Variants in TCF20 observed in about 807,000 individuals in gnomAD.
The protein encoded by TCF20 is transcription factor 20.
In TCF20, 3 loss-of-function variants were observed where a neutral mutation model predicts 148.6. The ratio of observed to expected loss-of-function variants is 0.02; its 90% confidence interval spans 0.01 to 0.05. The LOEUF is 0.05. Among genes scored for constraint, TCF20 ranks in the 10% least tolerant of loss-of-function variants. The pLI is 1.00. For missense variants in TCF20, 2,350 were observed against 2,429.3 expected (o/e 0.97, Z 0.69); for synonymous variants, 1,049 against 909.5 (o/e 1.15, Z -2.76).
intron 1 of TCF20, among the ~76,000 whole-genome samples, chr22:42,252,725 T>G (rs898753254): frequency 1.8e-4 from 27 of 152,194 alleles, no homozygotes; most frequent in Admixed American, 1.6e-3. Context: ...ATGTTGGGAT[T>G]ACAGGTGTGA....
chr22:42,213,448 G>A lies in TCF20; in HGVS notation c.1858C>T (p.Pro620Ser), dbSNP rs1921261906. The A allele has an allele frequency of 1.9e-6, 3 of 1,614,150 alleles. No individual in the cohort carries two copies. The highest frequency in any genetic ancestry group is 4.5e-5 in the East Asian group (2 of 44,888). The change falls in exon 2 of 6, where the codon CCT (proline) becomes TCT (serine). Residue 620 changes from proline to serine, a missense_variant. Coordinates refer to ENST00000677622, the MANE Select transcript of TCF20 (RefSeq NM_001378418.1). ...REAMTGRVEK[P>S]GGQDKGSQED... ...TGGGAGCCTTTATCTTGTCCACCAG[G>A]CTTTTCTACCCGACCTGTCATGGCT...
rs142415031 is a variant in TCF20 at position 42,339,441 on chromosome 22, A to C, written c.-37+4038T>G. Among the ~76,000 whole-genome samples the C allele has an allele frequency of 3.5e-4, 53 of 152,250 alleles. 2 individuals carry two copies. Among genetic ancestry groups the C allele is most frequent in the African/African-American group, 1.3e-3 (53 of 41,540 alleles). ...TGGTACCCCCTGGCTTGTTGAAGGA[A>C]AGATCTGGGGCCATAGAGAAGCCCA... On this transcript the variant is annotated intron_variant, in intron 1 of 1. Coordinates refer to the TCF20 transcript ENST00000515426.
At chr22:42,203,862 G>A (rs889356656) in intron 2 of TCF20, among the ~76,000 whole-genome samples, 1 of 152,186 alleles carries the variant, frequency 6.6e-6, no homozygotes, top group African/African-American at 2.4e-5. Context: ...GTGAGGTACT[G>A]GAGTTAGGAG....
At chr22:42,324,220 A>AGG (rs1927826617) in intron 1 of TCF20, among the ~76,000 whole-genome samples, 2 of 134,968 alleles carry the variant, frequency 1.5e-5, no homozygotes, top group African/African-American at 6.3e-5. Flanking sequence ...GGAGGTGGTG[A>AGG]TGATGGTGGT....
chr22:42,301,700 T>C (rs1293776374), intron 1 of TCF20, among the ~76,000 whole-genome samples: 1 of 152,192 alleles, frequency 6.6e-6, no homozygotes, highest in Non-Finnish European at 1.5e-5. Flanking sequence ...GGAAGCAATG[T>C]TTGCAGGCTG....
At chr22:42,289,700 CCA>C (rs1569201897) in intron 1 of TCF20, among the ~76,000 whole-genome samples, 2 of 152,044 alleles carry the variant, frequency 1.3e-5, no homozygotes, top group African/African-American at 4.8e-5. Flanking sequence ...AGATTCTGAA[CCA>C]CACACACTTT....
intron 2 of TCF20, among the ~76,000 whole-genome samples, chr22:42,201,732 C>T (rs369367253): frequency 2.0e-5 from 3 of 151,858 alleles, no homozygotes; most frequent in African/African-American, 4.8e-5. Context: ...TGTGCCATTG[C>T]GGTCCAGCCT....
intron 1 of TCF20, among the ~76,000 whole-genome samples, chr22:42,220,128 T>C (rs1211559433): frequency 6.6e-6 from 1 of 152,198 alleles, no homozygotes; most frequent in Non-Finnish European, 1.5e-5. Context: ...TGGCTTTCTC[T>C]GTCCTTCTTC....
chr22:42,195,427 C>A (rs1569127597), intron 2 of TCF20, among the ~76,000 whole-genome samples: 1 of 151,936 alleles, frequency 6.6e-6, no homozygotes, highest in Admixed American at 6.6e-5. Context: ...CACATTTTAA[C>A]ATCTCCTTAA....
chr22:42,248,137 TGAAGGGAGA>T (rs1021690982), intron 1 of TCF20, among the ~76,000 whole-genome samples: 19 of 152,128 alleles, frequency 1.2e-4, no homozygotes, highest in Non-Finnish European at 2.6e-4. Context: ...ATAATTGCTG[TGAAGGGAGA>T]ACAGGGCTGA....
In TCF20 at chr22:42,338,891, G is replaced by T. The variant is rs375635215; in HGVS notation, c.-37+4588C>A. Among the ~76,000 whole-genome samples the T allele has an allele frequency of 1.3e-5, 2 of 152,066 alleles. No individual in the cohort carries two copies. The highest frequency in any genetic ancestry group is 2.9e-5 in the Non-Finnish European group (2 of 68,008). ...AAATTCTGATTAAAGCCATAATCAC[G>T]GAGATCTAAGGATGGGGGTGAGCAG... On this transcript the variant is annotated intron_variant, in intron 1 of 1. Transcript: ENST00000515426. The surrounding 1 kb of genome is among the most constrained non-coding windows in gnomAD (Gnocchi z 4.0).
chr22:42,263,543 A>C (rs919903243), intron 1 of TCF20, among the ~76,000 whole-genome samples: 1 of 152,122 alleles, frequency 6.6e-6, no homozygotes, highest in Non-Finnish European at 1.5e-5. Flanking sequence ...CAGGAGTTTC[A>C]CCCTACATCC....
Position 42,246,041 on chromosome 22 carries a change from G to A in TCF20, c.-37+24298C>T, listed in dbSNP as rs113631412. ...CTCTGAAAAATGGTGCTTCTCAGTC[G>A]TTTCCCCATTTGGTTTCTTTTCTTC... On this transcript the variant is annotated intron_variant, in intron 1 of 5. Coordinates refer to ENST00000677622, the MANE Select transcript of TCF20 (RefSeq NM_001378418.1). Among the ~76,000 whole-genome samples the A allele has an allele frequency of 7.6e-3, 1,153 of 152,236 alleles. 9 individuals are homozygous for A. Among genetic ancestry groups the A allele is most frequent in the Non-Finnish European group, 0.012 (825 of 68,008 alleles).
chr22:42,332,180 T>G (rs1379971212), intron 1 of TCF20, among the ~76,000 whole-genome samples: 1 of 152,208 alleles, frequency 6.6e-6, no homozygotes, highest in Non-Finnish European at 1.5e-5. Context: ...CCTGATAACA[T>G]GCACCAGGAA....
chr22:42,330,458 C>A (rs1200956562), intron 1 of TCF20, among the ~76,000 whole-genome samples: 1 of 152,168 alleles, frequency 6.6e-6, no homozygotes, highest in East Asian at 1.9e-4. Flanking sequence ...CTCTCCCCTG[C>A]TGGTTGTTCT....
rs1277274235 is a variant in TCF20 at position 42,212,285 on chromosome 22, A to T, written c.3021T>A (p.Ser1007=). Residue 1007 remains serine (S), a synonymous_variant, in exon 2 of 6, where the codon TCT becomes TCA. Coordinates refer to ENST00000677622, the MANE Select transcript of TCF20 (RefSeq NM_001378418.1). ...GREGMRGRSP[S]QYHDFAEKLK... is the part of the protein sequence containing the mutation. ...ATTTTTCTGCAAAGTCATGATATTG[A>T]GAAGGGGACCGACCCCTCATGCCCT... 3 of 1,614,202 alleles carry T rather than the reference A, an allele frequency of 1.9e-6. No individual in the cohort carries two copies. The highest frequency in any genetic ancestry group is 2.5e-6 in the Non-Finnish European group (3 of 1,180,036).
intron 1 of TCF20, among the ~76,000 whole-genome samples, chr22:42,265,228 C>T (rs1407313432): frequency 6.6e-6 from 1 of 152,216 alleles, no homozygotes. Context: ...AACAGCCTAA[C>T]CAATAATCAA....
At position 42,338,558 on chromosome 22, in the gene TCF20, G is replaced by C. The variant is rs919088467; in HGVS notation, c.-37+4921C>G. Among the ~76,000 whole-genome samples, 1 of 152,234 alleles carries C rather than the reference G, an allele frequency of 6.6e-6. No homozygotes were observed. The highest frequency in any genetic ancestry group is 2.4e-5 in the African/African-American group (1 of 41,460). On this transcript the variant is annotated intron_variant, in intron 1 of 1. Transcript: ENST00000515426. The surrounding 1 kb of genome is among the most constrained non-coding windows in gnomAD (Gnocchi z 4.0). ...GGGAAAATAATTACCGAGGAGGCCCGGGAGGGAGGCGGGGAGGCTGGCGAG... is the reference window on the plus strand; with the variant it reads ...GGGAAAATAATTACCGAGGAGGCCCCGGAGGGAGGCGGGGAGGCTGGCGAG...
chr22:42,163,198 C>T (rs544881305), intron 5 of TCF20, among the ~76,000 whole-genome samples: 87 of 152,200 alleles, frequency 5.7e-4, no homozygotes, highest in Non-Finnish European at 1.2e-3. Context: ...CACACCAGCT[C>T]CCCAGTGAAG....
Sources: gnomAD v4.1 joint callset for allele counts (sites outside exome capture counted in the v4.1 genomes callset) on GRCh38, gnomAD v4.1.1 for gene constraint, Gnocchi (gnomAD v3.1) non-coding constraint, MANE v1.5 for transcripts, NCBI Gene and HGNC (gene_info 2026-07-23, HGNC 2026-07-21) for gene names.